ZFYVE28: variants seen among roughly 807,000 people sequenced by gnomAD.
ZFYVE28 encodes lateral signaling target protein 2 homolog.
ZFYVE28 carries 40 observed loss-of-function variants against 82.1 expected under a neutral mutation model. The observed-to-expected ratio is 0.49, with a 90% CI of 0.38 to 0.63. The LOEUF is 0.63. Ranked by LOEUF, ZFYVE28 falls within the 30% of genes least tolerant of loss-of-function variation. ZFYVE28 has a pLI of 0.00. For missense variants in ZFYVE28, 1,321 were observed against 1,242.1 expected, an observed-to-expected ratio of 1.06 and a Z score of -0.96; for synonymous variants, 612 against 546.1, an observed-to-expected ratio of 1.12 and a Z score of -1.68.
chr4:2,322,354 T>C (rs1335420967), intron 6 of ZFYVE28, among the ~76,000 whole-genome samples: 2 of 152,148 alleles, frequency 1.3e-5, no homozygotes, highest in African/African-American at 4.8e-5. Context: ...ATGCAGCCGC[T>C]GCCCATGGCT....
chr4:2,381,872 C>G (rs544237651), intron 1 of ZFYVE28, among the ~76,000 whole-genome samples: 34 of 152,366 alleles, frequency 2.2e-4, no homozygotes, highest in African/African-American at 7.2e-4. Flanking sequence ...CTACCACAAG[C>G]CCAGAGGCCT....
intron 8 of ZFYVE28, among the ~76,000 whole-genome samples, chr4:2,279,718 T>C (rs568035196): frequency 6.6e-6 from 1 of 151,824 alleles, no homozygotes; most frequent in Admixed American, 6.6e-5. Context: ...GAGGCGGAGC[T>C]TGCAGTGAGC....
chr4:2,372,137 C>T lies in ZFYVE28; in HGVS notation c.40-18064G>A, dbSNP rs987265141. 4.6e-5 allele frequency among the ~76,000 whole-genome samples: 7 copies of T among 152,138 alleles called. No homozygotes were observed. The highest frequency in any genetic ancestry group is 1.9e-4 in the East Asian group (1 of 5,194). ...GTGGACATCTGTCAGAACTGGGGAG[C>T]GGGGAGGAGGGCAAATGTTTTGTTT... On this transcript the variant is annotated intron_variant, in intron 1 of 12. Coordinates refer to ENST00000290974, the MANE Select transcript of ZFYVE28 (RefSeq NM_020972.3). The surrounding 1 kb of genome is among the most constrained non-coding windows in gnomAD (Gnocchi z 5.2).
chr4:2,352,180 G>A (rs959219856), intron 2 of ZFYVE28, among the ~76,000 whole-genome samples: 1 of 152,190 alleles, frequency 6.6e-6, no homozygotes, highest in African/African-American at 2.4e-5. Flanking sequence ...ATGTCCAGCT[G>A]TGCTGGGCGT....
intron 7 of ZFYVE28, among the ~76,000 whole-genome samples, chr4:2,309,600 A>ATT (rs10665827): frequency 0.77 from 116,456 of 151,918 alleles, 45,008 homozygotes; most frequent in Middle Eastern, 0.89. Flanking sequence ...TTAGTCCTTC[A>ATT]TTTCCAATGC....
At chr4:2,390,796 G>C (rs561742109) in intron 1 of ZFYVE28, among the ~76,000 whole-genome samples, 2 of 152,324 alleles carry the variant, frequency 1.3e-5, no homozygotes, top group South Asian at 4.1e-4. Flanking sequence ...ATATAATGAA[G>C]TTGTTTTCTT....
chr4:2,271,373 T>G lies in ZFYVE28; in HGVS notation c.2470A>C (p.Thr824Pro). 1 of 1,612,574 alleles carries G rather than the reference T, an allele frequency of 6.2e-7. No homozygotes were observed. The highest frequency in any genetic ancestry group is 8.5e-7 in the Non-Finnish European group (1 of 1,179,894). The change falls in exon 12 of 13, where the codon ACG becomes CCG. Residue 824 changes from threonine to proline, a missense_variant. By Grantham distance (38) the Thr-to-Pro change is conservative. This residue lies in a region of ZFYVE28 where 978 missense variants were observed against 833.7 expected (regional missense o/e 1.17). Transcript: ENST00000290974. ...WVPDEACGFC[T>P]ACKAPFTVIR... ...ACGGTGAAGGGTGCTTTGCACGCCGTGCAGAAGCCACAGGCCTCGTCTGGC... is the reference window on the plus strand; with the variant it reads ...ACGGTGAAGGGTGCTTTGCACGCCGGGCAGAAGCCACAGGCCTCGTCTGGC...
chr4:2,288,481 T>G (rs565371885), intron 8 of ZFYVE28, among the ~76,000 whole-genome samples: 2 of 152,304 alleles, frequency 1.3e-5, no homozygotes, highest in South Asian at 4.1e-4. Flanking sequence ...GGCTCTGGGC[T>G]GGCAATAAGA....
intron 8 of ZFYVE28, among the ~76,000 whole-genome samples, chr4:2,290,493 G>C (rs969949090): frequency 3.3e-5 from 5 of 152,160 alleles, no homozygotes; most frequent in African/African-American, 7.2e-5. Context: ...CTCCAGCTTT[G>C]TCCTCTCGTG....
chr4:2,320,093 C>A lies in ZFYVE28; in HGVS notation c.803+77G>T, dbSNP rs1272783531. 1.4e-6 allele frequency: 2 copies of A among 1,421,956 alleles called. No homozygotes were observed. Among genetic ancestry groups the A allele is most frequent in the Non-Finnish European group, 2.0e-6 (2 of 1,015,428 alleles). The allele number at this position is 1,421,956 out of a possible 1,614,324, so 88.1% of individuals were successfully genotyped here. A position where few individuals can be genotyped will look rare whatever the true frequency, so the allele number is the denominator to read the frequency against. ...GAGGAGGAGGACCTGGAGGCGGCGGCTAAACATGACTTCAGCGCCCACCTG... is the reference window on the plus strand; with the variant it reads ...GAGGAGGAGGACCTGGAGGCGGCGGATAAACATGACTTCAGCGCCCACCTG... On this transcript the variant is annotated intron_variant, in intron 7 of 12. Coordinates refer to ENST00000290974, the MANE Select transcript of ZFYVE28 (RefSeq NM_020972.3). This position sits in a 1 kb window ranked among gnomAD's most constrained non-coding sequence, Gnocchi z 5.1.
At chr4:2,377,008 C>T (rs1728215971) in intron 1 of ZFYVE28, among the ~76,000 whole-genome samples, 2 of 152,102 alleles carry the variant, frequency 1.3e-5, no homozygotes, top group South Asian at 4.2e-4. Context: ...TTGGACAGCA[C>T]TGGTCTAAGA....
chr4:2,356,516 G>C (rs1334836262), intron 1 of ZFYVE28, among the ~76,000 whole-genome samples: 36 of 151,832 alleles, frequency 2.4e-4, no homozygotes, highest in Non-Finnish European at 2.9e-5. Context: ...GTGGGCACTG[G>C]CTGCCATCTG....
At chr4:2,307,746 GGCCTCCC>G (rs774866910) in intron 7 of ZFYVE28, among the ~76,000 whole-genome samples, 2 of 151,948 alleles carry the variant, frequency 1.3e-5, no homozygotes, top group Non-Finnish European at 2.9e-5. Flanking sequence ...CTCCCGCCTT[GGCCTCCC>G]AAAGTGCTGG....
intron 1 of ZFYVE28, among the ~76,000 whole-genome samples, chr4:2,398,656 G>A (rs1189978307): frequency 6.8e-6 from 1 of 146,684 alleles, no homozygotes; most frequent in Non-Finnish European, 1.5e-5. Flanking sequence ...GGGCGAGATC[G>A]AGGGTACGAG....
chr4:2,382,634 C>T (rs1338845746), intron 1 of ZFYVE28, among the ~76,000 whole-genome samples: 2 of 152,180 alleles, frequency 1.3e-5, no homozygotes, highest in African/African-American at 4.8e-5. Context: ...AAGTAACTAG[C>T]TTGCTTTTGA....
At chr4:2,343,910 C>A (rs1157395595) in intron 2 of ZFYVE28, among the ~76,000 whole-genome samples, 1 of 152,212 alleles carries the variant, frequency 6.6e-6, no homozygotes, top group African/African-American at 2.4e-5. Context: ...CAGTGCCTCA[C>A]ACACAGTATG....
intron 8 of ZFYVE28, among the ~76,000 whole-genome samples, chr4:2,299,704 A>C (rs115959688): frequency 6.9e-6 from 1 of 144,448 alleles, no homozygotes; most frequent in Non-Finnish European, 1.5e-5. Context: ...TCCAAGAGGC[A>C]GACAAAAAAC....
intron 7 of ZFYVE28, among the ~76,000 whole-genome samples, chr4:2,308,448 T>G (rs1244761117): frequency 6.8e-6 from 1 of 146,352 alleles, no homozygotes; most frequent in African/African-American, 2.6e-5. Flanking sequence ...TCCAGGCCCC[T>G]TGCATCTCCA....
In ZFYVE28 at chr4:2,338,968, C is replaced by T. The variant is rs1051084700; in HGVS notation, c.521+485G>A. 6.8e-4 allele frequency among the ~76,000 whole-genome samples: 100 copies of T among 146,528 alleles called. 1 individual carries two copies. The highest frequency in any genetic ancestry group is 2.4e-3 in the African/African-American group (95 of 39,314). The stretch of plus-strand genomic sequence containing the variant: ...GCTTCCTGAGTGGCGCGCCACCAGG[C>T]CCGGCTAATTTTTTGTATTTTTTTT... On this transcript the variant is annotated intron_variant, in intron 4 of 12. Transcript: ENST00000290974.
Sources: gnomAD v4.1 joint callset for allele counts (sites outside exome capture counted in the v4.1 genomes callset) on GRCh38, gnomAD v4.1.1 for gene constraint, gnomAD v4.1.1 regional missense constraint, Gnocchi (gnomAD v3.1) non-coding constraint, MANE v1.5 for transcripts, NCBI Gene and HGNC (gene_info 2026-07-23, HGNC 2026-07-21) for gene names.